Variants in SORCS2 observed in about 807,000 individuals in gnomAD.
SORCS2 encodes VPS10 domain-containing receptor SorCS2.
A neutral mutation model predicts 141.6 loss-of-function variants in SORCS2; 100 were observed. The observed-to-expected ratio is 0.71, with a 90% CI of 0.60 to 0.83. The LOEUF (loss-of-function observed/expected upper bound fraction) is 0.83, where lower values mean the gene tolerates loss of function less well. Ranked by LOEUF, SORCS2 falls within the 40% of genes least tolerant of loss-of-function variation. The pLI is 0.00. For synonymous variants in SORCS2, 789 were observed against 676.9 expected, an observed-to-expected ratio of 1.17 and a Z score of -2.57; for missense variants, 1,646 against 1,560.2, an observed-to-expected ratio of 1.05 and a Z score of -0.93.
intron 3 of SORCS2, among the ~76,000 whole-genome samples, chr4:7,572,320 T>C (rs761144183): frequency 6.6e-6 from 1 of 152,236 alleles, no homozygotes; most frequent in Non-Finnish European, 1.5e-5. Context: ...TAACATACTC[T>C]GCTAGTATAA....
At chr4:7,657,315 G>GAATAAATGAGTGAATGAGTA (rs1343531998) in intron 5 of SORCS2, among the ~76,000 whole-genome samples, 1 of 152,258 alleles carries the variant, frequency 6.6e-6, no homozygotes, top group African/African-American at 2.4e-5. Context: ...ATGAATGAGT[G>GAATAAATGAGTGAATGAGTA]AATAAATGAG....
At chr4:7,206,026 A>G (rs7440305) in intron 1 of SORCS2, among the ~76,000 whole-genome samples, 24,642 of 152,216 alleles carry the variant, frequency 0.16, 2,068 homozygotes, top group South Asian at 0.28. Context: ...AGCCTGGGTG[A>G]CAGAATGAGA....
chr4:7,583,851 G>C (rs551509294), intron 3 of SORCS2, among the ~76,000 whole-genome samples: 1 of 152,338 alleles, frequency 6.6e-6, no homozygotes, highest in Admixed American at 6.5e-5. Context: ...AAGCTCAAAT[G>C]TGGTTCAGTT....
chr4:7,401,145 T>C (rs1279610362), intron 2 of SORCS2, among the ~76,000 whole-genome samples: 2 of 144,378 alleles, frequency 1.4e-5, no homozygotes, highest in Non-Finnish European at 3.0e-5. Context: ...ATGGATGGAC[T>C]GATAGATGGA....
chr4:7,441,688 G>A (rs1727678695), intron 2 of SORCS2, among the ~76,000 whole-genome samples: 1 of 116,490 alleles, frequency 8.6e-6, no homozygotes, highest in Non-Finnish European at 1.8e-5. Context: ...TCCTGCCCCA[G>A]CCCAGGTTGT....
intron 1 of SORCS2, among the ~76,000 whole-genome samples, chr4:7,370,965 C>T (rs762974844): frequency 2.3e-4 from 35 of 152,292 alleles, no homozygotes; most frequent in Non-Finnish European, 5.1e-4. Context: ...CTGCCCTGGA[C>T]CCCAGTCTAA....
intron 3 of SORCS2, among the ~76,000 whole-genome samples, chr4:7,601,838 C>T (rs935505526): frequency 6.6e-6 from 1 of 152,072 alleles, no homozygotes; most frequent in East Asian, 1.9e-4. Context: ...TGTTTGTGTC[C>T]CTGAGTATGT....
intron 1 of SORCS2, among the ~76,000 whole-genome samples, chr4:7,198,536 C>T (rs1464531193): frequency 2.0e-5 from 3 of 152,254 alleles, no homozygotes; most frequent in Non-Finnish European, 2.9e-5. Flanking sequence ...GTGTGGCCCC[C>T]GGTGGCTGAG....
intron 1 of SORCS2, among the ~76,000 whole-genome samples, chr4:7,324,647 G>A (rs1458727294): frequency 6.6e-6 from 1 of 152,180 alleles, no homozygotes; most frequent in East Asian, 1.9e-4. Flanking sequence ...TGGGCCACCA[G>A]GCCAGGCGAT....
chr4:7,737,311 G>C, intron 26 of SORCS2, 139 bp downstream of exon 26: 1 of 1,269,656 alleles, frequency 7.9e-7, no homozygotes, highest in South Asian at 1.5e-5. Context: ...TTGCCAGCGG[G>C]TCGGTCGGGC....
intron 14 of SORCS2, among the ~76,000 whole-genome samples, chr4:7,710,886 C>A (rs909062081): frequency 9.8e-5 from 15 of 152,342 alleles, no homozygotes; most frequent in Middle Eastern, 3.4e-3. Flanking sequence ...CATTTCCCCA[C>A]TCCTCTGAGA....
intron 1 of SORCS2, among the ~76,000 whole-genome samples, chr4:7,374,129 C>CTCTTTCTT (rs1162945229): frequency 0.11 from 5,875 of 51,360 alleles, 215 homozygotes; most frequent in Admixed American, 0.13. Context: ...CTTTCTTTCC[C>CTCTTTCTT]TCTTTCTTTC....
intron 1 of SORCS2, among the ~76,000 whole-genome samples, chr4:7,289,946 C>T (rs1716499057): frequency 6.6e-6 from 1 of 152,196 alleles, no homozygotes; most frequent in South Asian, 2.1e-4. Flanking sequence ...GGGACAAGGA[C>T]AAGAGTCCCC....
At chr4:7,406,606 T>A (rs1412745998) in intron 2 of SORCS2, among the ~76,000 whole-genome samples, 1 of 151,914 alleles carries the variant, frequency 6.6e-6, no homozygotes, top group Non-Finnish European at 1.5e-5. Context: ...CTGATTTTAT[T>A]TATTTTGAGT....
rs532675603 is a variant in SORCS2 at position 7,482,786 on chromosome 4, C to A, written c.549-48744C>A. Among the ~76,000 whole-genome samples the A allele has an allele frequency of 9.8e-4, 144 of 147,524 alleles. 1 individual carries two copies. Among genetic ancestry groups the A allele is most frequent in the Admixed American group, 8.6e-3 (127 of 14,796 alleles). On this transcript the variant is annotated intron_variant, in intron 2 of 26. Transcript: ENST00000507866. Reference sequence around the variant, plus strand: ...GACCTGTATCCCCGCTGCGGACACCCCTGGCTGCTGTTCAGACCTGTATCC... The same window carrying A: ...GACCTGTATCCCCGCTGCGGACACCACTGGCTGCTGTTCAGACCTGTATCC...
intron 1 of SORCS2, among the ~76,000 whole-genome samples, chr4:7,271,165 C>T (rs1266341167): frequency 6.6e-6 from 1 of 152,208 alleles, no homozygotes; most frequent in East Asian, 1.9e-4. Context: ...CTTCTATCTC[C>T]TCTGTGCCCA....
At chr4:7,617,276 A>G (rs1390531131) in intron 3 of SORCS2, among the ~76,000 whole-genome samples, 1 of 151,960 alleles carries the variant, frequency 6.6e-6, no homozygotes, top group African/African-American at 2.4e-5. Context: ...CACTCACCCC[A>G]TTATCCATCC....
intron 3 of SORCS2, among the ~76,000 whole-genome samples, chr4:7,537,261 C>T (rs1256923778): frequency 6.6e-6 from 1 of 152,202 alleles, no homozygotes; most frequent in Non-Finnish European, 1.5e-5. Flanking sequence ...TGAAGGCTCT[C>T]CAAACCCCCT....
intron 2 of SORCS2, among the ~76,000 whole-genome samples, chr4:7,468,954 A>T (rs1382304163): frequency 6.6e-6 from 1 of 152,208 alleles, no homozygotes; most frequent in Non-Finnish European, 1.5e-5. Context: ...CTGAACTGCA[A>T]TGTGCTCATT....
Sources: allele counts gnomAD v4.1 joint callset (sites outside exome capture counted in the v4.1 genomes callset), GRCh38; gene constraint gnomAD v4.1.1; transcripts MANE v1.5; gene names NCBI Gene and HGNC (gene_info 2026-07-23, HGNC 2026-07-21).